TPRG1: variants seen among roughly 807,000 people sequenced by gnomAD.
TPRG1 encodes the protein tumor protein p63 regulated 1.
In TPRG1, 29 loss-of-function variants were observed where a neutral mutation model predicts 29.3. The ratio of observed to expected loss-of-function variants is 0.99; its 90% CI spans 0.74 to 1.35. The LOEUF is 1.35. Among genes scored for constraint, TPRG1 ranks in the 40% most tolerant of loss-of-function variants. The pLI is 0.00. For missense variants in TPRG1, 327 were observed against 335.0 expected (o/e 0.98, Z 0.19); for synonymous variants, 130 against 116.8 (o/e 1.11, Z -0.73).
intron 4 of TPRG1, among the ~76,000 whole-genome samples, chr3:189,038,211 C>A (rs140469609): frequency 6.6e-5 from 10 of 151,972 alleles, no homozygotes; most frequent in African/African-American, 2.4e-5. Context: ...GGATAAAGAA[C>A]CATAAACCGT....
chr3:189,081,896 G>T (rs905099416), intron 4 of TPRG1, among the ~76,000 whole-genome samples: 18 of 152,154 alleles, frequency 1.2e-4, no homozygotes, highest in African/African-American at 3.9e-4. Context: ...GTCTTTGGAG[G>T]TTGGAATTTG....
At chr3:189,253,834 C>CTA (rs74851756) in intron 4 of TPRG1, among the ~76,000 whole-genome samples, 13,680 of 152,200 alleles carry the variant, frequency 0.09, 794 homozygotes, top group South Asian at 0.15. Flanking sequence ...TTTTGATCTA[C>CTA]GTTTCTCTAA....
chr3:189,206,465 A>G (rs142583686), intron 1 of TPRG1, among the ~76,000 whole-genome samples: 3 of 139,592 alleles, frequency 2.1e-5, no homozygotes, highest in African/African-American at 8.1e-5. Flanking sequence ...AACCTGGTAT[A>G]TTTTTCTATT....
intron 5 of TPRG1, among the ~76,000 whole-genome samples, chr3:189,312,175 T>TTCTC (rs1280243489): frequency 1.5e-5 from 1 of 65,456 alleles, no homozygotes; most frequent in East Asian, 6.3e-4. Context: ...CTTTCTTTCT[T>TTCTC]TCTTTCTTTT....
chr3:189,179,447 T>C (rs1024738832), intron 1 of TPRG1, among the ~76,000 whole-genome samples: 2 of 152,200 alleles, frequency 1.3e-5, no homozygotes, highest in African/African-American at 2.4e-5. Context: ...ACTTGGTGTG[T>C]CTCTAGTGGT....
intron 4 of TPRG1, among the ~76,000 whole-genome samples, chr3:189,297,697 C>T (rs1720185352): frequency 6.6e-6 from 1 of 152,174 alleles, no homozygotes; most frequent in Admixed American, 6.5e-5. Context: ...AAACTTTTTA[C>T]CTGATGGCCC....
At chr3:189,310,354 G>T (rs537318391) in intron 4 of TPRG1, 32 bp from the exon 5 acceptor site, 14 of 1,495,430 alleles carry the variant, frequency 9.4e-6, no homozygotes, top group African/African-American at 8.6e-5. Flanking sequence ...AAATGGAAAT[G>T]ACTAATCTAA....
chr3:189,036,034 T>G (rs1374554819), intron 4 of TPRG1, among the ~76,000 whole-genome samples: 2 of 152,004 alleles, frequency 1.3e-5, no homozygotes, highest in African/African-American at 4.8e-5. Context: ...TGCCCATTAC[T>G]AGTGGATTGG....
At chr3:189,113,963 C>A (rs1405558853) in intron 1 of TPRG1, among the ~76,000 whole-genome samples, 2 of 151,866 alleles carry the variant, frequency 1.3e-5, no homozygotes, top group East Asian at 3.8e-4. Flanking sequence ...GTGTTCCCAT[C>A]TATATTATTG....
At chr3:189,088,727 G>T (rs982830827) in intron 4 of TPRG1, among the ~76,000 whole-genome samples, 7 of 152,054 alleles carry the variant, frequency 4.6e-5, no homozygotes, top group African/African-American at 1.7e-4. Flanking sequence ...TGAGAGGAGG[G>T]GAAGAGAGAA....
intron 5 of TPRG1, chr3:189,313,197 T>C (rs993513528): frequency 6.6e-6 from 1 of 152,226 alleles, no homozygotes; most frequent in Non-Finnish European, 1.5e-5. Flanking sequence ...ATCCAGGTTT[T>C]TGTGTCTTAT....
At chr3:189,076,972 G>GA (rs1477117679) in intron 4 of TPRG1, among the ~76,000 whole-genome samples, 1 of 149,524 alleles carries the variant, frequency 6.7e-6, no homozygotes, top group Non-Finnish European at 1.5e-5. Flanking sequence ...AGTGCTTATT[G>GA]AAAATAAAAA....
At chr3:189,162,691 C>T (rs910759885) in intron 5 of TPRG1, among the ~76,000 whole-genome samples, 5 of 152,094 alleles carry the variant, frequency 3.3e-5, no homozygotes, top group Admixed American at 2.6e-4. Flanking sequence ...AAGCTAAAGA[C>T]AGAGGTAGAA....
chr3:189,039,237 T>G (rs1409557914), intron 4 of TPRG1, among the ~76,000 whole-genome samples: 1 of 152,224 alleles, frequency 6.6e-6, no homozygotes, highest in Non-Finnish European at 1.5e-5. Context: ...AACCCAGAGC[T>G]GGCTCTCTGT....
intron 1 of TPRG1, among the ~76,000 whole-genome samples, chr3:189,109,826 C>T (rs963831845): frequency 6.6e-6 from 1 of 152,126 alleles, no homozygotes; most frequent in Non-Finnish European, 1.5e-5. Context: ...CTCCAGTGCT[C>T]CTTTGTAGTT....
chr3:189,109,873 C>T (rs1200370919), intron 1 of TPRG1, among the ~76,000 whole-genome samples: 1 of 152,100 alleles, frequency 6.6e-6, no homozygotes, highest in Non-Finnish European at 1.5e-5. Flanking sequence ...TTTGCTTTTG[C>T]CCCTTTTGCA....
intron 3 of TPRG1, among the ~76,000 whole-genome samples, chr3:189,224,538 C>T (rs533194280): frequency 1.3e-3 from 204 of 152,074 alleles, no homozygotes; most frequent in African/African-American, 4.4e-3. Context: ...AGAATATGTG[C>T]AGAGTAACAG....
rs952949999 is a variant in TPRG1, at chr3:189,111,209, A to G, written c.-744+11005A>G. ...ATGTTGAGTCATCTGATCCATGAAC[A>G]TAGTATATATCTCCTTTTATTTAGG... is the stretch of plus-strand genomic sequence containing the variant. On this transcript the variant is annotated intron_variant, in intron 1 of 6. Transcript: ENST00000412373. Among the ~76,000 whole-genome samples the G allele has an allele frequency of 7.3e-4, 111 of 152,166 alleles. 3 individuals are homozygous for G. The highest frequency in any genetic ancestry group is 2.2e-4 in the Non-Finnish European group (15 of 67,936).
At chr3:189,293,810 C>T (rs564378856) in intron 4 of TPRG1, among the ~76,000 whole-genome samples, 4 of 152,338 alleles carry the variant, frequency 2.6e-5, no homozygotes, top group Admixed American at 2.6e-4. Context: ...TTCTCCCTTG[C>T]TTTTACTCTC....
Sources: gnomAD v4.1 joint callset for allele counts (sites outside exome capture counted in the v4.1 genomes callset) on GRCh38, gnomAD v4.1.1 for gene constraint, MANE v1.5 for transcripts, NCBI Gene and HGNC (gene_info 2026-07-23, HGNC 2026-07-21) for gene names.